Variants in SIPA1L3 observed in about 807,000 individuals in gnomAD.
SIPA1L3 encodes signal induced proliferation associated 1 like 3.
In SIPA1L3, 59 loss-of-function variants were observed where a neutral mutation model predicts 150.1. The observed-to-expected ratio is 0.39, with a 90% CI of 0.32 to 0.49. The LOEUF (loss-of-function observed/expected upper bound fraction) is 0.49, where lower values mean the gene tolerates loss of function less well. SIPA1L3 is among the 20% of genes least tolerant of loss of function. SIPA1L3 has a pLI of 0.86. For synonymous variants in SIPA1L3, 1,070 were observed against 1,077.6 expected (o/e 0.99, Z 0.14); for missense variants, 2,211 against 2,489.5 (o/e 0.89, Z 2.38).
chr19:37,982,717 C>T (rs1345836434), intron 1 of SIPA1L3, among the ~76,000 whole-genome samples: 1 of 152,188 alleles, frequency 6.6e-6, no homozygotes, highest in East Asian at 1.9e-4. Flanking sequence ...AGACCCTGGC[C>T]TCCAAGGGCT....
chr19:37,978,214 G>A, intron 1 of SIPA1L3, among the ~76,000 whole-genome samples: 1 of 152,172 alleles, frequency 6.6e-6, no homozygotes. Flanking sequence ...GTGGAATGCA[G>A]TCGCTAATAC....
At chr19:38,087,037 GGCAGGGTTCTTGCTAAACTGACTTAGC>G (rs1482399759) in intron 3 of SIPA1L3, among the ~76,000 whole-genome samples, 1 of 152,180 alleles carries the variant, frequency 6.6e-6, no homozygotes, top group African/African-American at 2.4e-5. Flanking sequence ...AAGGTTGGGG[GGCAGGGTTCTTGCTAAACTGACTTAGC>G]GCAGGGTTCT....
At chr19:37,961,513 TTG>T (rs2046858066) in intron 1 of SIPA1L3, among the ~76,000 whole-genome samples, 1 of 152,196 alleles carries the variant, frequency 6.6e-6, no homozygotes, top group South Asian at 2.1e-4. Flanking sequence ...GCTTTTCTCC[TTG>T]TCTTTGTCTT....
At chr19:37,983,936 G>T (rs1163102164) in intron 1 of SIPA1L3, among the ~76,000 whole-genome samples, 1 of 150,332 alleles carries the variant, frequency 6.7e-6, no homozygotes, top group African/African-American at 2.4e-5. Context: ...AGATTGCTCA[G>T]CACTGATGAG....
intron 4 of SIPA1L3, among the ~76,000 whole-genome samples, chr19:38,098,437 C>T (rs1463017687): frequency 6.8e-5 from 10 of 147,862 alleles, no homozygotes; most frequent in African/African-American, 1.7e-4. Context: ...CTCTGTCACC[C>T]GGGCTGGAGT....
chr19:38,136,017 C>T (rs901745481), intron 10 of SIPA1L3, among the ~76,000 whole-genome samples: 1 of 151,676 alleles, frequency 6.6e-6, no homozygotes, highest in Non-Finnish European at 1.5e-5. Context: ...CCTCCTACCC[C>T]CAGGCCACAA....
chr19:37,908,842 A>G (rs2046356711), intron 1 of SIPA1L3, among the ~76,000 whole-genome samples: 1 of 152,126 alleles, frequency 6.6e-6, no homozygotes. Context: ...TGTTCACTCC[A>G]GTGCTTTAAT....
rs201150023 is a variant in SIPA1L3, at chr19:38,005,147, T to TC, written c.-378-23938dup. 9.6e-4 allele frequency among the ~76,000 whole-genome samples: 145 copies of TC among 151,804 alleles called. 2 individuals are homozygous for TC. In the East Asian group the frequency reaches 0.019, roughly 20 times the overall value. ...AGGGATGAAGTCATTGCTCCCTCTGTCCCCTGCCACGTGCCTACTATAACA... is the reference window on the plus strand; with the variant it reads ...AGGGATGAAGTCATTGCTCCCTCTGTCCCCCTGCCACGTGCCTACTATAACA... On this transcript the variant is annotated intron_variant, in intron 1 of 21. Coordinates refer to ENST00000222345, the MANE Select transcript of SIPA1L3 (RefSeq NM_015073.3).
At chr19:38,099,827 T>G in intron 4 of SIPA1L3, 135 bp from the exon 5 acceptor site, 1 of 715,012 alleles carries the variant, frequency 1.4e-6, no homozygotes, top group Non-Finnish European at 2.2e-6. Context: ...GGCTCAGACT[T>G]AGGGCTTTCT....
chr19:38,197,322 G>C (rs1322586214), intron 18 of SIPA1L3, among the ~76,000 whole-genome samples: 1 of 152,136 alleles, frequency 6.6e-6, no homozygotes, highest in Non-Finnish European at 1.5e-5. Flanking sequence ...GCTTCAAGGA[G>C]TCACAGAGCC....
chr19:37,914,849 CT>C (rs1186148426), intron 1 of SIPA1L3, among the ~76,000 whole-genome samples: 13 of 152,260 alleles, frequency 8.5e-5, no homozygotes, highest in African/African-American at 3.1e-4. Context: ...TTACCTGGTG[CT>C]TACTCTGTGC....
chr19:38,087,400 A>G (rs1447548505), intron 3 of SIPA1L3, among the ~76,000 whole-genome samples: 1 of 152,152 alleles, frequency 6.6e-6, no homozygotes, highest in African/African-American at 2.4e-5. Context: ...TAATTACCAC[A>G]CAGTATTTTG....
chr19:37,926,876 C>T (rs560337936), intron 1 of SIPA1L3, among the ~76,000 whole-genome samples: 14 of 152,166 alleles, frequency 9.2e-5, no homozygotes, highest in South Asian at 2.1e-4. Flanking sequence ...GACACTGTGC[C>T]GGGCCCTTCA....
chr19:38,049,352 C>T (rs1345861710), intron 2 of SIPA1L3, among the ~76,000 whole-genome samples: 1 of 152,166 alleles, frequency 6.6e-6, no homozygotes, highest in Non-Finnish European at 1.5e-5. Flanking sequence ...CTCTGTATCT[C>T]ATTCTTTCGG....
At chr19:37,927,520 T>G (rs1261050784) in intron 1 of SIPA1L3, among the ~76,000 whole-genome samples, 2 of 125,346 alleles carry the variant, frequency 1.6e-5, no homozygotes, top group East Asian at 4.6e-4. Context: ...TGTCTGTTGT[T>G]CGTGTGTGTG....
chr19:37,924,846 C>G (rs2046488460), intron 1 of SIPA1L3, among the ~76,000 whole-genome samples: 1 of 151,456 alleles, frequency 6.6e-6, no homozygotes, highest in African/African-American at 2.4e-5. Flanking sequence ...ATCAGGAGTT[C>G]TAGACCAGCC....
intron 2 of SIPA1L3, among the ~76,000 whole-genome samples, chr19:38,066,977 C>A (rs1969607940): frequency 6.6e-6 from 1 of 151,884 alleles, no homozygotes; most frequent in Non-Finnish European, 1.5e-5. Context: ...TGGCTCACAA[C>A]TGTAATCCCA....
chr19:38,136,094 G>A (rs1002743126), intron 10 of SIPA1L3, among the ~76,000 whole-genome samples: 1 of 137,466 alleles, frequency 7.3e-6, no homozygotes, highest in African/African-American at 2.8e-5. Context: ...TTTTTCAGAC[G>A]AAGTTTCACT....
At chr19:38,052,257 T>C (rs1568521791) in intron 2 of SIPA1L3, among the ~76,000 whole-genome samples, 1 of 152,158 alleles carries the variant, frequency 6.6e-6, no homozygotes, top group Non-Finnish European at 1.5e-5. Flanking sequence ...CAGAATCCAC[T>C]CTAGGTATTT....
Sources: gnomAD v4.1 joint callset for allele counts (sites outside exome capture counted in the v4.1 genomes callset) on GRCh38, gnomAD v4.1.1 for gene constraint, MANE v1.5 for transcripts, NCBI Gene and HGNC (gene_info 2026-07-23, HGNC 2026-07-21) for gene names.